The following SPMIP2 variants were observed in gnomAD, a reference collection of about 807,000 sequenced individuals.
SPMIP2 encodes the protein protein SPMIP2.
the SPMIP2 span, among the ~76,000 whole-genome samples, chr4:159,042,549 C>G: frequency 6.6e-6 from 1 of 152,222 alleles, no homozygotes; most frequent in Non-Finnish European, 1.5e-5. Context: ...TTAGAGGGTC[C>G]CCAGAAGGTT....
the SPMIP2 span, among the ~76,000 whole-genome samples, chr4:158,917,653 A>G: frequency 6.7e-6 from 1 of 149,892 alleles, no homozygotes; most frequent in Admixed American, 6.7e-5. Flanking sequence ...TTTAAACATC[A>G]CCTTTTCCCT....
At chr4:159,081,254 G>A in the SPMIP2 span, among the ~76,000 whole-genome samples, 1 of 151,856 alleles carries the variant, frequency 6.6e-6, no homozygotes, top group Admixed American at 6.6e-5. Flanking sequence ...GGCCAGATTG[G>A]TCTTGAACTC....
the SPMIP2 span, among the ~76,000 whole-genome samples, chr4:158,927,988 C>G: frequency 8.9e-3 from 1,349 of 152,354 alleles, 7 homozygotes; most frequent in Non-Finnish European, 0.014. Context: ...CTTCCCACCC[C>G]CTCTGTGGGC....
chr4:159,030,883 G>A, the SPMIP2 span, among the ~76,000 whole-genome samples: 35 of 152,258 alleles, frequency 2.3e-4, no homozygotes, highest in African/African-American at 8.4e-4. Context: ...CAGAATTGCT[G>A]CGAAATTCCT....
the SPMIP2 span, among the ~76,000 whole-genome samples, chr4:158,933,755 T>C: frequency 6.6e-6 from 1 of 151,992 alleles, no homozygotes; most frequent in African/African-American, 2.4e-5. Context: ...TTCTTTCTGT[T>C]CCTTTACCAT....
chr4:158,985,095 T>A, the SPMIP2 span, among the ~76,000 whole-genome samples: 1 of 147,640 alleles, frequency 6.8e-6, no homozygotes, highest in Non-Finnish European at 1.5e-5. Flanking sequence ...AGAAGTTGAA[T>A]CTCTGAATAG....
At chr4:159,055,382 G>A in the SPMIP2 span, among the ~76,000 whole-genome samples, 1 of 152,152 alleles carries the variant, frequency 6.6e-6, no homozygotes, top group East Asian at 1.9e-4. Flanking sequence ...AGCATTTGTA[G>A]TCTCTGTTGC....
At chr4:158,977,747 T>C in the SPMIP2 span, among the ~76,000 whole-genome samples, 1 of 151,962 alleles carries the variant, frequency 6.6e-6, no homozygotes, top group East Asian at 1.9e-4. Context: ...CCGGAGTAGC[T>C]GGGACCACAG....
chr4:159,004,737 A>G, the SPMIP2 span, among the ~76,000 whole-genome samples: 3 of 152,048 alleles, frequency 2.0e-5, no homozygotes, highest in African/African-American at 4.8e-5. Context: ...ATTTCAATAC[A>G]TTTACTCACT....
the SPMIP2 span, among the ~76,000 whole-genome samples, chr4:158,960,679 T>C: frequency 6.6e-6 from 1 of 152,164 alleles, no homozygotes; most frequent in Admixed American, 6.5e-5. Flanking sequence ...TCTAAACTAC[T>C]GTCATTAGAC....
chr4:158,913,437 T>C, the SPMIP2 span, among the ~76,000 whole-genome samples: 1 of 152,040 alleles, frequency 6.6e-6, no homozygotes, highest in African/African-American at 2.4e-5. Flanking sequence ...TTGCCCAGGC[T>C]GCTCTCAAAC....
chr4:158,945,313 A>C, the SPMIP2 span, among the ~76,000 whole-genome samples: 1 of 150,940 alleles, frequency 6.6e-6, no homozygotes, highest in African/African-American at 2.4e-5. Context: ...GCGTGGCTGC[A>C]TCACTGCTCT....
At chr4:158,990,814 C>G in the SPMIP2 span, among the ~76,000 whole-genome samples, 1 of 152,174 alleles carries the variant, frequency 6.6e-6, no homozygotes, top group East Asian at 1.9e-4. Flanking sequence ...CAGCAAACCA[C>G]CATGTCATGT....
chr4:158,960,076 TGC>T, the SPMIP2 span, among the ~76,000 whole-genome samples: 1 of 152,136 alleles, frequency 6.6e-6, no homozygotes, highest in Non-Finnish European at 1.5e-5. Flanking sequence ...CTAACTATGT[TGC>T]GTTATTCCTT....
the SPMIP2 span, among the ~76,000 whole-genome samples, chr4:158,982,824 A>G: frequency 3.3e-5 from 5 of 152,142 alleles, no homozygotes; most frequent in African/African-American, 1.2e-4. Context: ...TGACTTTGAC[A>G]AGTTGAGAGA....
the SPMIP2 span, among the ~76,000 whole-genome samples, chr4:159,003,010 A>C: frequency 6.6e-6 from 1 of 152,206 alleles, no homozygotes; most frequent in East Asian, 1.9e-4. Context: ...CTATGAAAGC[A>C]CATTTATGAT....
the SPMIP2 span, chr4:159,007,246 T>G: frequency 8.0e-6 from 11 of 1,381,876 alleles, no homozygotes; most frequent in African/African-American, 4.4e-5. Flanking sequence ...AATCATATAC[T>G]TGAATCAGCT....
At chr4:158,980,252 G>A in the SPMIP2 span, among the ~76,000 whole-genome samples, 1 of 152,168 alleles carries the variant, frequency 6.6e-6, no homozygotes, top group Non-Finnish European at 1.5e-5. Flanking sequence ...AGAGCATATG[G>A]GGGAAGGGGC....
chr4:158,903,426 G>A, the SPMIP2 span, among the ~76,000 whole-genome samples: 17 of 152,282 alleles, frequency 1.1e-4, no homozygotes, highest in Non-Finnish European at 1.9e-4. Flanking sequence ...CTATTCGGCC[G>A]TCTTGCCTTA....
Sources: allele counts gnomAD v4.1 joint callset (sites outside exome capture counted in the v4.1 genomes callset), GRCh38; gene constraint gnomAD v4.1.1; transcripts MANE v1.5; gene names NCBI Gene and HGNC (gene_info 2026-07-23, HGNC 2026-07-21).